The following NAV1 variants were observed in gnomAD, a reference collection of about 807,000 sequenced individuals.
The protein encoded by NAV1 is pore membrane and/or filament interacting like protein 3.
Under a neutral mutation model 175.2 loss-of-function variants are expected in NAV1, and 18 were observed. The ratio of observed to expected loss-of-function variants is 0.10; its 90% CI spans 0.07 to 0.15. NAV1 has a LOEUF of 0.15. NAV1 is among the 10% of genes least tolerant of loss of function. The pLI, the probability that NAV1 is intolerant of heterozygous loss-of-function variation, is 1.00. For missense variants in NAV1, 1,731 were observed against 2,436.6 expected (o/e 0.71, Z 6.10); for synonymous variants, 897 against 978.7 (o/e 0.92, Z 1.56).
chr1:201,790,149 A>G (rs1394304703), intron 11 of NAV1, among the ~76,000 whole-genome samples: 1 of 152,214 alleles, frequency 6.6e-6, no homozygotes, highest in Non-Finnish European at 1.5e-5. Context: ...CGGACTCCAG[A>G]ACCCTAGAAG....
At chr1:201,600,221 G>A (rs1172344595) in intron 2 of NAV1, among the ~76,000 whole-genome samples, 1 of 152,234 alleles carries the variant, frequency 6.6e-6, no homozygotes, top group Non-Finnish European at 1.5e-5. Flanking sequence ...GGTCTCTCCA[G>A]GTTGCTGAGT....
chr1:201,663,003 CTCTGTTTTTCTACACA>C (rs1488323766), intron 1 of NAV1, among the ~76,000 whole-genome samples: 1 of 146,952 alleles, frequency 6.8e-6, no homozygotes, highest in Non-Finnish European at 1.5e-5. Context: ...TTCTTGCTCC[CTCTGTTTTTCTACACA>C]TCTGATTCTT....
At chr1:201,560,382 C>A (rs925549130) in intron 1 of NAV1, among the ~76,000 whole-genome samples, 4 of 152,212 alleles carry the variant, frequency 2.6e-5, no homozygotes, top group African/African-American at 9.6e-5. Flanking sequence ...CCTTAGCCAG[C>A]GCCAGCTTCC....
rs1678476256 is a variant in NAV1, at chr1:201,808,659, T to C, written c.4039-44T>C. ...CAGGAAAGGGAAGACCAAGGCTTGC[T>C]GTCTGTCCAGTCTGCCACCCTACCC... On this transcript the variant is annotated intron_variant, in intron 19 of 29. Coordinates refer to ENST00000367296, the Ensembl canonical transcript of NAV1. This position sits in a 1 kb window ranked among gnomAD's most constrained non-coding sequence, Gnocchi z 5.5. 1 of 1,614,148 alleles carries C rather than the reference T, an allele frequency of 6.2e-7. No homozygotes were observed. Among genetic ancestry groups the C allele is most frequent in the African/African-American group, 1.3e-5 (1 of 74,954 alleles).
At chr1:201,648,423 C>A in exon 1 of NAV1, 1 of 1,223,366 alleles carries the variant, frequency 8.2e-7, no homozygotes. Flanking sequence ...CCCTATCGCT[C>A]CCCGGCTTCC....
intron 2 of NAV1, among the ~76,000 whole-genome samples, chr1:201,607,664 G>A (rs1667722149): frequency 6.7e-6 from 1 of 149,468 alleles, no homozygotes; most frequent in African/African-American, 2.5e-5. Flanking sequence ...GCTAATTTTT[G>A]TATTTTTAGT....
At chr1:201,801,110 G>A (rs940126094) in intron 15 of NAV1, among the ~76,000 whole-genome samples, 5 of 152,180 alleles carry the variant, frequency 3.3e-5, no homozygotes, top group African/African-American at 7.2e-5. Context: ...TTACAGGCAT[G>A]AGCCACCACA....
intron 1 of NAV1, among the ~76,000 whole-genome samples, chr1:201,576,309 G>A (rs1666688624): frequency 6.6e-6 from 1 of 152,192 alleles, no homozygotes. Flanking sequence ...TAATTCTGTG[G>A]AGATTCATCC....
At chr1:201,794,334 T>G (rs1307667026) in intron 14 of NAV1, 132 bp from the exon 19 acceptor site, 3 of 785,266 alleles carry the variant, frequency 3.8e-6, no homozygotes, top group Admixed American at 2.0e-5. Flanking sequence ...GTATTTTTAA[T>G]GGAGACCAGG....
chr1:201,616,951 T>A (rs1363399022), intron 2 of NAV1, among the ~76,000 whole-genome samples: 1 of 152,156 alleles, frequency 6.6e-6, no homozygotes, highest in African/African-American at 2.4e-5. Context: ...AGCCAAGGTG[T>A]GTGGTTGTTG....
intron 1 of NAV1, among the ~76,000 whole-genome samples, chr1:201,570,876 C>T (rs1236070131): frequency 6.6e-6 from 1 of 152,260 alleles, no homozygotes; most frequent in Non-Finnish European, 1.5e-5. Context: ...CTATTTTCTA[C>T]CATTAGCCCT....
At chr1:201,647,053 C>A (rs1669000808), upstream of NAV1, among the ~76,000 whole-genome samples, 1 of 152,176 alleles carries the variant, frequency 6.6e-6, no homozygotes, top group Non-Finnish European at 1.5e-5. Flanking sequence ...GCAAAAAGTT[C>A]TTAGGGCTTT....
At chr1:201,558,517 A>G (rs138182974) in intron 1 of NAV1, among the ~76,000 whole-genome samples, 2,573 of 152,248 alleles carry the variant, frequency 0.017, 36 homozygotes, top group African/African-American at 0.038. Flanking sequence ...CAGTGGCACA[A>G]TCTCGGCTCA....
Position 201,808,643 on chromosome 1 carries a change from G to A in NAV1, c.4038+33G>A. 1 of 1,614,244 alleles carries A rather than the reference G, an allele frequency of 6.2e-7. No individual in the cohort carries two copies. The highest frequency in any genetic ancestry group is 8.5e-7 in the Non-Finnish European group (1 of 1,180,036). ...TCTGGGCGGACAGCTGCAGGAAAGG[G>A]AAGACCAAGGCTTGCTGTCTGTCCA... On this transcript the variant is annotated intron_variant, in intron 19 of 29. Coordinates refer to ENST00000367296, the Ensembl canonical transcript of NAV1. This position sits in a 1 kb window ranked among gnomAD's most constrained non-coding sequence, Gnocchi z 5.5.
At chr1:201,776,335 C>CAAAAAAA (rs71138352) in intron 3 of NAV1, among the ~76,000 whole-genome samples, 3 of 71,880 alleles carry the variant, frequency 4.2e-5, no homozygotes, top group African/African-American at 1.2e-4. Flanking sequence ...CCTGACTCTA[C>CAAAAAAA]AAAAAAAAAA....
chr1:201,804,693 G>C (rs1257288872), intron 17 of NAV1, among the ~76,000 whole-genome samples, 196 bp downstream of exon 21: 1 of 151,962 alleles, frequency 6.6e-6, no homozygotes, highest in South Asian at 2.1e-4. Flanking sequence ...CCCTATGTGA[G>C]GACAGAGGAG....
intron 2 of NAV1, among the ~76,000 whole-genome samples, chr1:201,640,435 G>T (rs925595326): frequency 6.6e-6 from 1 of 152,122 alleles, no homozygotes; most frequent in Non-Finnish European, 1.5e-5. Flanking sequence ...AAGTGGGAGT[G>T]GGGGATGGGG....
intron 1 of NAV1, among the ~76,000 whole-genome samples, chr1:201,624,485 A>T (rs897277645): frequency 6.6e-6 from 1 of 151,224 alleles, no homozygotes; most frequent in African/African-American, 2.4e-5. Context: ...CTGGGACTAC[A>T]GGCGCCCACC....
chr1:201,731,125 AG>A (rs1199572583), intron 3 of NAV1, among the ~76,000 whole-genome samples: 1 of 152,138 alleles, frequency 6.6e-6, no homozygotes, highest in East Asian at 1.9e-4. Flanking sequence ...CTGAATATGC[AG>A]GGCAGGATCA....
Sources: allele counts gnomAD v4.1 joint callset (sites outside exome capture counted in the v4.1 genomes callset), GRCh38; gene constraint gnomAD v4.1.1; non-coding constraint Gnocchi (gnomAD v3.1); transcripts MANE v1.5; gene names NCBI Gene and HGNC (gene_info 2026-07-23, HGNC 2026-07-21).